CAV1: variants seen among roughly 807,000 people sequenced by gnomAD.
CAV1 encodes caveolin 1, also known as caveolin-1.
In CAV1, 10 loss-of-function variants were observed where a neutral mutation model predicts 16.5. The ratio of observed to expected loss-of-function variants is 0.61; its 90% CI spans 0.37 to 1.03. The LOEUF (loss-of-function observed/expected upper bound fraction) is 1.03, where lower values mean the gene tolerates loss of function less well. CAV1 is among the 50% of genes least tolerant of loss of function. The pLI is 0.01. For synonymous variants in CAV1, 76 were observed against 85.1 expected, an observed-to-expected ratio of 0.89 and a Z score of 0.59; for missense variants, 212 against 232.8, an observed-to-expected ratio of 0.91 and a Z score of 0.58.
chr7:116,543,836 G>A (rs1444626684), intron 2 of CAV1, among the ~76,000 whole-genome samples: 3 of 152,094 alleles, frequency 2.0e-5, no homozygotes, highest in Admixed American at 6.5e-5. Context: ...TTTTGTTTTT[G>A]TTTTTTAACA....
chr7:116,544,359 C>A (rs1793999466), intron 2 of CAV1, among the ~76,000 whole-genome samples: 1 of 152,158 alleles, frequency 6.6e-6, no homozygotes, highest in African/African-American at 2.4e-5. Flanking sequence ...TAGTAAATAG[C>A]AGTATTCACT....
intron 2 of CAV1, among the ~76,000 whole-genome samples, chr7:116,555,542 G>GAGAAAGAAAGAAAGAA (rs1225761657): frequency 3.3e-4 from 4 of 12,146 alleles, no homozygotes; most frequent in Non-Finnish European, 6.9e-4. Flanking sequence ...GAGAGAGAGA[G>GAGAAAGAAAGAAAGAA]AGAAAGAAAG....
At chr7:116,536,891 T>C (rs1793828175) in intron 2 of CAV1, among the ~76,000 whole-genome samples, 1 of 151,076 alleles carries the variant, frequency 6.6e-6, no homozygotes, top group African/African-American at 2.4e-5. Context: ...TAGTCCCAGC[T>C]ACTCGGGAGG....
chr7:116,554,465 T>C (rs566409970), intron 2 of CAV1, among the ~76,000 whole-genome samples: 1 of 152,178 alleles, frequency 6.6e-6, no homozygotes, highest in African/African-American at 2.4e-5. Flanking sequence ...AGGAGAATGA[T>C]GTAACTTCCT....
At position 116,525,770 on chromosome 7, in the gene CAV1, G is replaced by C. The variant is rs565465657; in HGVS notation, c.30+678G>C. ...CCTTCAGCCACCCGCCCGCAGCCTG[G>C]GAGTGCCCTGAGGGTGGGTCGGGGG... On this transcript the variant is annotated intron_variant, in intron 1 of 2. Coordinates refer to ENST00000341049, the MANE Select transcript of CAV1 (RefSeq NM_001753.5). 1.7e-4 allele frequency: 182 copies of C among 1,056,538 alleles called. 1 individual carries two copies. The Middle Eastern group carries it at 2.4e-3, about 14-fold the overall frequency. The allele number at this position is 1,056,538 out of a possible 1,614,324, so 65.4% of individuals were successfully genotyped here. A position where few individuals can be genotyped will look rare whatever the true frequency, so the allele number is the denominator to read the frequency against.
chr7:116,555,515 AGAAAGAGAGAGAGAGAGAGAGAGAGAG>A (rs1562838142), intron 2 of CAV1, among the ~76,000 whole-genome samples: 1,308 of 10,010 alleles, frequency 0.13, 303 homozygotes, highest in Admixed American at 0.2. Context: ...AAAGAAAGAA[AGAAAGAGAGAGAGAGAGAGAGAGAGAG>A]AGAAAGAAAG....
intron 2 of CAV1, chr7:116,526,897 C>T (rs1007146258): frequency 1.6e-5 from 10 of 615,886 alleles, no homozygotes; most frequent in Non-Finnish European, 2.9e-5. Context: ...CCATCTCCCC[C>T]CAATAGTTAG....
chr7:116,557,163 T>G (rs913234107), intron 2 of CAV1, among the ~76,000 whole-genome samples: 12 of 152,252 alleles, frequency 7.9e-5, no homozygotes, highest in African/African-American at 2.9e-4. Flanking sequence ...ATACATCTAC[T>G]TAAGCTCACT....
At chr7:116,541,078 G>A (rs1793926893) in intron 2 of CAV1, among the ~76,000 whole-genome samples, 1 of 152,164 alleles carries the variant, frequency 6.6e-6, no homozygotes, top group Non-Finnish European at 1.5e-5. Context: ...ATAATTTAAT[G>A]ATAATTTAAA....
rs750761097 is a variant in CAV1, at chr7:116,525,249, C to T, written c.30+157C>T. 5 of 1,605,330 alleles carry T rather than the reference C, an allele frequency of 3.1e-6. No individual in the cohort carries two copies. The African/African-American group carries it at 5.4e-5, about 17-fold the overall frequency. ...GGCACCGCTGAGGAATGGGCCTGGG[C>T]GGGGAGGTGAAGAGAAGCCAGGAAT... On this transcript the variant is annotated intron_variant, in intron 1 of 2. Transcript: ENST00000341049.
intron 1 of CAV1, chr7:116,525,601 C>G: frequency 8.6e-7 from 1 of 1,160,134 alleles, no homozygotes; most frequent in Non-Finnish European, 1.1e-6. Context: ...ATCTCAAGAA[C>G]TCCTTCTGCA....
In CAV1 at chr7:116,559,018, A is replaced by G. The variant is rs1356374139; in HGVS notation, c.268A>G (p.Thr90Ala). 2.5e-6 allele frequency: 4 copies of G among 1,613,858 alleles called. No individual in the cohort carries two copies. The East Asian group carries it at 6.7e-5, about 27-fold the overall frequency. ...TGACGGCATTTGGAAGGCCAGCTTC[A>G]CCACCTTCACTGTGACGAAATACTG... is the stretch of plus-strand genomic sequence containing the variant. ...SFDGIWKASF[T>A]TFTVTKYWFY... The change falls in exon 3 of 3, where the codon ACC becomes GCC. Residue 90 changes from threonine (T) to alanine (A), a missense_variant. By Grantham distance (58) the Thr-to-Ala change is moderately conservative. Transcript: ENST00000341049.
chr7:116,553,490 T>G (rs1363869747), intron 2 of CAV1, among the ~76,000 whole-genome samples: 1 of 152,144 alleles, frequency 6.6e-6, no homozygotes, highest in Non-Finnish European at 1.5e-5. Context: ...TATGCCTTTC[T>G]TCTTTAGGTC....
intron 2 of CAV1, chr7:116,542,662 A>G (rs930005942): frequency 3.9e-5 from 6 of 152,216 alleles, no homozygotes; most frequent in African/African-American, 1.2e-4. Context: ...TAGCAACTAC[A>G]TGAGATATAC....
At chr7:116,548,573 A>G (rs17588703) in intron 2 of CAV1, among the ~76,000 whole-genome samples, 4,102 of 152,270 alleles carry the variant, frequency 0.027, 73 homozygotes, top group Non-Finnish European at 0.042. Flanking sequence ...GGATGTAGAC[A>G]ATAAAGAGCA....
chr7:116,549,724 G>A (rs1322085373), intron 2 of CAV1, among the ~76,000 whole-genome samples: 1 of 152,018 alleles, frequency 6.6e-6, no homozygotes, highest in African/African-American at 2.4e-5. Context: ...GTTATGTATG[G>A]CTACATCCTT....
intron 2 of CAV1, among the ~76,000 whole-genome samples, chr7:116,547,683 C>A (rs1396517920): frequency 5.9e-5 from 9 of 152,162 alleles, no homozygotes; most frequent in Non-Finnish European, 8.8e-5. Context: ...AAAGGTTCTC[C>A]TTTTCCAAAA....
chr7:116,551,720 A>G (rs902849997), intron 2 of CAV1: 1 of 152,182 alleles, frequency 6.6e-6, no homozygotes, highest in African/African-American at 2.4e-5. Flanking sequence ...GTTAGGAATC[A>G]AAGTGATTTA....
At chr7:116,525,146 G>A (rs1477423708) in intron 1 of CAV1, 54 bp downstream of exon 1, 5 of 1,614,146 alleles carry the variant, frequency 3.1e-6, no homozygotes, top group Non-Finnish European at 3.4e-6. Context: ...GTCCGCTTCT[G>A]CTATCTGCCT....
Sources: gnomAD v4.1 joint callset for allele counts (sites outside exome capture counted in the v4.1 genomes callset) on GRCh38, gnomAD v4.1.1 for gene constraint, MANE v1.5 for transcripts, NCBI Gene and HGNC (gene_info 2026-07-23, HGNC 2026-07-21) for gene names.